The following TEAD1 variants were observed in gnomAD, a reference collection of about 807,000 sequenced individuals.
TEAD1 encodes transcriptional enhancer factor TEF-1.
A neutral mutation model predicts 54.9 loss-of-function variants in TEAD1; 9 were observed. The ratio of observed to expected loss-of-function variants is 0.16; its 90% CI spans 0.10 to 0.29. TEAD1 has a LOEUF of 0.29. Among genes scored for constraint, TEAD1 ranks in the 10% least tolerant of loss-of-function variants. The pLI, the probability that TEAD1 is intolerant of heterozygous loss-of-function variation, is 1.00. For synonymous variants in TEAD1, 200 were observed against 187.8 expected (o/e 1.07, Z -0.53); for missense variants, 387 against 535.9 (o/e 0.72, Z 2.74).
At chr11:12,886,723 T>C (rs913842373) in intron 9 of TEAD1, among the ~76,000 whole-genome samples, 8 of 152,034 alleles carry the variant, frequency 5.3e-5, no homozygotes, top group African/African-American at 1.9e-4. Flanking sequence ...CTCAAACTCC[T>C]GGGCTGAAGT....
At chr11:12,830,270 C>T (rs553133556) in intron 3 of TEAD1, among the ~76,000 whole-genome samples, 2 of 152,178 alleles carry the variant, frequency 1.3e-5, no homozygotes, top group East Asian at 1.9e-4. Context: ...ACCTGACCTA[C>T]GAAGATCCAC....
In TEAD1 at chr11:12,937,275, A is replaced by G. The variant is rs1017275657; in HGVS notation, c.*53A>G. On this transcript the variant is annotated 3_prime_UTR_variant, in exon 13 of 13. Transcript: ENST00000527636. ...TGTATATACACACACACATATGTGC[A>G]CACACACACTCTCTCTCCATTATCG... 4.6e-6 allele frequency: 6 copies of G among 1,300,042 alleles called. No homozygotes were observed. The highest frequency in any genetic ancestry group is 3.0e-5 in the African/African-American group (2 of 67,520). The allele number at this position is 1,300,042 out of a possible 1,614,324, so 80.5% of individuals were successfully genotyped here. A position where few individuals can be genotyped will look rare whatever the true frequency, so the allele number is the denominator to read the frequency against.
chr11:12,805,366 C>T (rs941150408), intron 3 of TEAD1, among the ~76,000 whole-genome samples: 1 of 152,130 alleles, frequency 6.6e-6, no homozygotes, highest in East Asian at 1.9e-4. Context: ...GTGAGATGGG[C>T]AATTTTAACT....
At chr11:12,693,344 T>C (rs553994570) in intron 2 of TEAD1, among the ~76,000 whole-genome samples, 1 of 152,342 alleles carries the variant, frequency 6.6e-6, no homozygotes, top group South Asian at 2.1e-4. Context: ...ATGCGAGTCC[T>C]TTATTACCCA....
intron 3 of TEAD1, among the ~76,000 whole-genome samples, chr11:12,819,987 G>T (rs992825677): frequency 6.6e-6 from 1 of 151,118 alleles, no homozygotes; most frequent in Admixed American, 6.6e-5. Context: ...AATGGGCTGG[G>T]TGGGCAGAGA....
intron 10 of TEAD1, among the ~76,000 whole-genome samples, chr11:12,920,294 T>G (rs1360950350): frequency 1.3e-5 from 2 of 152,182 alleles, no homozygotes; most frequent in Admixed American, 1.3e-4. Context: ...ATTCAGCAAT[T>G]TTACTAACAT....
chr11:12,752,078 T>A (rs1055019506), intron 2 of TEAD1, among the ~76,000 whole-genome samples: 7 of 152,200 alleles, frequency 4.6e-5, no homozygotes, highest in Non-Finnish European at 1.0e-4. Flanking sequence ...TCCCATTGGC[T>A]GTTTCTTCTA....
In TEAD1 at chr11:12,937,283, ACTCT is replaced by A. The variant is rs1178545244; in HGVS notation, c.*67_*70del. ...CACACACACATATGTGCACACACACACTCTCTCTCCATTATCGAACGACTGACTG... is the reference window on the plus strand; with the variant it reads ...CACACACACATATGTGCACACACACACTCTCCATTATCGAACGACTGACTG... On this transcript the variant is annotated 3_prime_UTR_variant, in exon 13 of 13. Coordinates refer to ENST00000527636, the MANE Select transcript of TEAD1 (RefSeq NM_021961.6). 13 of 1,306,396 alleles carry A rather than the reference ACTCT, an allele frequency of 1.0e-5. No individual in the cohort carries two copies. Among genetic ancestry groups the A allele is most frequent in the African/African-American group, 3.0e-5 (2 of 67,426 alleles). The allele number at this position is 1,306,396 out of a possible 1,614,324, so 80.9% of individuals were successfully genotyped here.
At chr11:12,689,323 A>G (rs1016843861) in intron 2 of TEAD1, among the ~76,000 whole-genome samples, 36 of 152,300 alleles carry the variant, frequency 2.4e-4, no homozygotes, top group African/African-American at 5.8e-4. Flanking sequence ...AGTTGTTACT[A>G]TTTTGGAATA....
chr11:12,800,288 G>C (rs886239369), intron 3 of TEAD1, among the ~76,000 whole-genome samples: 7 of 152,220 alleles, frequency 4.6e-5, no homozygotes, highest in African/African-American at 1.7e-4. Context: ...TCCTGAGCCG[G>C]TTTTACCTCT....
chr11:12,821,961 C>CTTTTTTTTTTTTTTTTTTTTT lies in TEAD1; in HGVS notation c.203-40269_203-40268insTTTTTTTTTTTTTTTTTTTTT, dbSNP rs10700151. ...TACTCTCTCTCCTTTTTCTCTTTTCCTTTTTTTTTTTTTTTTTTTTGAGAC... is the reference window on the plus strand; with the variant it reads ...TACTCTCTCTCCTTTTTCTCTTTTCCTTTTTTTTTTTTTTTTTTTTTTTTTTTTTTTTTTTTTTTTTGAGAC... On this transcript the variant is annotated intron_variant, in intron 3 of 12. Coordinates refer to ENST00000527636, the MANE Select transcript of TEAD1 (RefSeq NM_021961.6). Among the ~76,000 whole-genome samples the CTTTTTTTTTTTTTTTTTTTTT allele has an allele frequency of 3.8e-3, 262 of 68,056 alleles. 50 individuals carry two copies. The highest frequency in any genetic ancestry group is 0.016 in the Middle Eastern group (1 of 62). The allele number at this position is 68,056 out of a possible 152,430, so 44.6% of individuals were successfully genotyped here.
At chr11:12,691,635 T>TA (rs1483448373) in intron 2 of TEAD1, among the ~76,000 whole-genome samples, 1 of 152,218 alleles carries the variant, frequency 6.6e-6, no homozygotes, top group Non-Finnish European at 1.5e-5. Context: ...ACTGAAGAAT[T>TA]ACCATGGATG....
intron 3 of TEAD1, among the ~76,000 whole-genome samples, chr11:12,808,569 A>C (rs1211018803): frequency 6.6e-6 from 1 of 152,178 alleles, no homozygotes; most frequent in Admixed American, 6.5e-5. Context: ...GGCACGTAGC[A>C]ACTGCCTGGA....
chr11:12,811,368 A>G (rs1290867489), intron 3 of TEAD1, among the ~76,000 whole-genome samples: 4 of 152,224 alleles, frequency 2.6e-5, no homozygotes, highest in African/African-American at 9.6e-5. Context: ...CAGATTGGTA[A>G]TGATGCCATC....
intron 3 of TEAD1, among the ~76,000 whole-genome samples, chr11:12,835,573 G>T (rs1374514861): frequency 4.0e-5 from 6 of 151,818 alleles, no homozygotes. Context: ...GCCCGCCTTG[G>T]CCTCCCAAAG....
Position 12,902,147 on chromosome 11 carries a change from T to G in TEAD1, c.873+34T>G, listed in dbSNP as rs369529207. On this transcript the variant is annotated intron_variant, in intron 10 of 12. Coordinates refer to ENST00000527636, the MANE Select transcript of TEAD1 (RefSeq NM_021961.6). ...GACATTGCTGTGATTTCCGTGGTTT[T>G]TGTCTGAATGGTCACATCTCTTACA... 1.6e-3 allele frequency: 2,554 copies of G among 1,613,998 alleles called. 6 individuals are homozygous for G. Among genetic ancestry groups the G allele is most frequent in the Non-Finnish European group, 2.0e-3 (2,359 of 1,179,828 alleles).
At chr11:12,807,819 T>C (rs967446794) in intron 3 of TEAD1, among the ~76,000 whole-genome samples, 1 of 152,154 alleles carries the variant, frequency 6.6e-6, no homozygotes, top group Non-Finnish European at 1.5e-5. Context: ...TGCTTGGCAG[T>C]GGCCAGACCT....
intron 2 of TEAD1, among the ~76,000 whole-genome samples, chr11:12,711,250 A>T (rs548427104): frequency 3.9e-5 from 6 of 152,272 alleles, no homozygotes; most frequent in African/African-American, 1.4e-4. Context: ...TGGAATGAAG[A>T]AATTAGAATG....
At chr11:12,778,760 C>T (rs1462169757) in intron 3 of TEAD1, among the ~76,000 whole-genome samples, 2 of 152,038 alleles carry the variant, frequency 1.3e-5, no homozygotes, top group Middle Eastern at 3.2e-3. Flanking sequence ...ATTTTTATGA[C>T]ATTTACAACA....
Sources: allele counts gnomAD v4.1 joint callset (sites outside exome capture counted in the v4.1 genomes callset), GRCh38; gene constraint gnomAD v4.1.1; transcripts MANE v1.5; gene names NCBI Gene and HGNC (gene_info 2026-07-23, HGNC 2026-07-21).